The following SHROOM3 variants were observed in gnomAD, a reference collection of about 807,000 sequenced individuals.
SHROOM3 encodes protein Shroom3.
SHROOM3 carries 47 observed loss-of-function variants against 138.6 expected under a neutral mutation model. That is an observed-to-expected ratio of 0.34 (90% CI 0.27 to 0.43). SHROOM3 has a LOEUF of 0.43. Ranked by LOEUF, SHROOM3 falls within the 20% of genes least tolerant of loss-of-function variation. SHROOM3 has a pLI of 1.00. For synonymous variants in SHROOM3, 1,062 were observed against 1,063.3 expected, an observed-to-expected ratio of 1.00 and a Z score of 0.02; for missense variants, 2,491 against 2,596.5, an observed-to-expected ratio of 0.96 and a Z score of 0.88.
At chr4:76,706,553 G>A (rs1291947446) in intron 2 of SHROOM3, among the ~76,000 whole-genome samples, 1 of 152,166 alleles carries the variant, frequency 6.6e-6, no homozygotes, top group African/African-American at 2.4e-5. Context: ...AAGAGGATGG[G>A]TTGGTCTTGC....
chr4:76,717,353 G>A (rs555299732), intron 3 of SHROOM3, among the ~76,000 whole-genome samples: 22 of 152,128 alleles, frequency 1.4e-4, no homozygotes, highest in Non-Finnish European at 2.8e-4. Context: ...CATGTTCTTG[G>A]AGCTTCCTGG....
chr4:76,524,379 G>A (rs1348404357), intron 1 of SHROOM3, among the ~76,000 whole-genome samples: 1 of 152,224 alleles, frequency 6.6e-6, no homozygotes, highest in Admixed American at 6.5e-5. Flanking sequence ...GAACAAGGGA[G>A]AGGGGAACAG....
chr4:76,448,761 C>T (rs538944040), intron 1 of SHROOM3, among the ~76,000 whole-genome samples: 5 of 152,278 alleles, frequency 3.3e-5, no homozygotes, highest in Admixed American at 6.5e-5. Flanking sequence ...GAAATCCAAA[C>T]TAAGATGACC....
chr4:76,529,768 TCTC>T (rs750385973), intron 1 of SHROOM3, among the ~76,000 whole-genome samples: 1 of 152,148 alleles, frequency 6.6e-6, no homozygotes, highest in Non-Finnish European at 1.5e-5. Flanking sequence ...ATTTCCCACT[TCTC>T]CTGCTTTGCT....
intron 10 of SHROOM3, among the ~76,000 whole-genome samples, chr4:76,778,388 AT>A (rs1246356811): frequency 6.6e-6 from 1 of 151,906 alleles, no homozygotes; most frequent in Non-Finnish European, 1.5e-5. Flanking sequence ...TGCCTAGGTG[AT>A]TTTTGTATTT....
intron 1 of SHROOM3, among the ~76,000 whole-genome samples, chr4:76,509,058 T>A (rs1732276003): frequency 6.6e-6 from 1 of 152,180 alleles, no homozygotes. Flanking sequence ...AAGACACACC[T>A]CTTAATACTA....
intron 2 of SHROOM3, among the ~76,000 whole-genome samples, chr4:76,681,820 G>A (rs919453698): frequency 2.6e-5 from 4 of 151,978 alleles, no homozygotes; most frequent in African/African-American, 9.7e-5. Flanking sequence ...AAAGATTGGT[G>A]GAAGGTATAA....
intron 1 of SHROOM3, among the ~76,000 whole-genome samples, chr4:76,461,332 A>G (rs191429994): frequency 4.6e-5 from 7 of 152,250 alleles, no homozygotes; most frequent in African/African-American, 1.7e-4. Context: ...CACATCAATC[A>G]TATAAAAGAC....
At chr4:76,772,103 C>CTTTTTTTT (rs35590411) in intron 10 of SHROOM3, among the ~76,000 whole-genome samples, 3 of 125,140 alleles carry the variant, frequency 2.4e-5, no homozygotes, top group Non-Finnish European at 3.3e-5. Context: ...TTTTCTTTTT[C>CTTTTTTTT]TTTTTTTTTT....
At chr4:76,500,613 T>C (rs1732070491) in intron 1 of SHROOM3, among the ~76,000 whole-genome samples, 1 of 152,160 alleles carries the variant, frequency 6.6e-6, no homozygotes, top group African/African-American at 2.4e-5. Context: ...TTTTGCCAAC[T>C]CTTGGTATTT....
chr4:76,654,994 T>G (rs965610671), intron 2 of SHROOM3, among the ~76,000 whole-genome samples: 168 of 152,306 alleles, frequency 1.1e-3, no homozygotes, highest in African/African-American at 4.0e-3. Flanking sequence ...AAGTATGGAT[T>G]AAAGTGGTGA....
chr4:76,659,032 C>CAA (rs34981910), intron 2 of SHROOM3, among the ~76,000 whole-genome samples: 410 of 146,232 alleles, frequency 2.8e-3, no homozygotes, highest in Middle Eastern at 0.011. Context: ...TTAAACAAAC[C>CAA]AAAAAAAAAA....
intron 1 of SHROOM3, among the ~76,000 whole-genome samples, chr4:76,469,824 C>G (rs1232800720): frequency 6.6e-6 from 1 of 151,990 alleles, no homozygotes; most frequent in African/African-American, 2.4e-5. Flanking sequence ...TCTGGTAAGT[C>G]AAAGAATAGA....
At chr4:76,551,925 G>C (rs572149325) in intron 1 of SHROOM3, among the ~76,000 whole-genome samples, 19 of 151,016 alleles carry the variant, frequency 1.3e-4, no homozygotes, top group Non-Finnish European at 2.7e-4. Context: ...GCAGTGGTGC[G>C]ATCTCGGCTC....
chr4:76,603,999 C>A (rs1418914605), intron 2 of SHROOM3, among the ~76,000 whole-genome samples: 2 of 151,816 alleles, frequency 1.3e-5, no homozygotes, highest in African/African-American at 4.8e-5. Flanking sequence ...CCTGCCACCC[C>A]ATCTCTTAGT....
intron 1 of SHROOM3, among the ~76,000 whole-genome samples, chr4:76,537,282 G>C (rs1240209061): frequency 1.3e-5 from 2 of 152,172 alleles, no homozygotes; most frequent in Non-Finnish European, 2.9e-5. Flanking sequence ...GGCTGAAGTA[G>C]ACCAATCCCA....
At chr4:76,611,874 C>T (rs571482926) in intron 2 of SHROOM3, among the ~76,000 whole-genome samples, 1 of 152,220 alleles carries the variant, frequency 6.6e-6, no homozygotes, top group East Asian at 1.9e-4. Flanking sequence ...CATCTTCACC[C>T]AGTGTCCGGA....
chr4:76,700,322 G>A (rs1396281305), intron 2 of SHROOM3, among the ~76,000 whole-genome samples: 1 of 152,188 alleles, frequency 6.6e-6, no homozygotes, highest in African/African-American at 2.4e-5. Context: ...CTGTAAGGAT[G>A]GTAAGAAGCT....
intron 1 of SHROOM3, among the ~76,000 whole-genome samples, chr4:76,441,104 T>TTTTTTTTTTG: frequency 6.9e-6 from 1 of 144,318 alleles, no homozygotes; most frequent in African/African-American, 2.6e-5. Flanking sequence ...TTTTTTTTTT[T>TTTTTTTTTTG]TTTGAGACAG....
Sources: gnomAD v4.1 joint callset for allele counts (sites outside exome capture counted in the v4.1 genomes callset) on GRCh38, gnomAD v4.1.1 for gene constraint, MANE v1.5 for transcripts, NCBI Gene and HGNC (gene_info 2026-07-23, HGNC 2026-07-21) for gene names.